The following PCDHA3 variants were observed in gnomAD, a reference collection of about 807,000 sequenced individuals.
PCDHA3 encodes the protein protocadherin alpha 3.
In PCDHA3, 41 loss-of-function variants were observed where a neutral mutation model predicts 62.2. The observed-to-expected ratio is 0.66, with a 90% CI of 0.51 to 0.86. PCDHA3 has a LOEUF of 0.86. Ranked by LOEUF, PCDHA3 falls within the 40% of genes least tolerant of loss-of-function variation. PCDHA3 has a pLI of 0.00. For synonymous variants in PCDHA3, 640 were observed against 555.4 expected, an observed-to-expected ratio of 1.15 and a Z score of -2.14; for missense variants, 1,304 against 1,241.2, an observed-to-expected ratio of 1.05 and a Z score of -0.76.
intron 1 of PCDHA3, chr5:140,830,640 C>T (rs1455236504): frequency 8.1e-6 from 4 of 493,148 alleles, no homozygotes; most frequent in African/African-American, 4.1e-5. Flanking sequence ...AATCTCTTTG[C>T]TTCTTTAATA....
chr5:140,863,279 T>C, intron 1 of PCDHA3: 1 of 1,461,288 alleles, frequency 6.8e-7, no homozygotes, highest in East Asian at 3.4e-5. Context: ...CTGGTGGATG[T>C]CAACGTGTAC....
chr5:140,863,007 A>G (rs1554157449), intron 1 of PCDHA3: 1 of 551,416 alleles, frequency 1.8e-6, no homozygotes, highest in Non-Finnish European at 3.6e-6. Context: ...GACTCCAGCT[A>G]TGACGCCTGG....
intron 3 of PCDHA3, among the ~76,000 whole-genome samples, chr5:140,992,500 A>C (rs1205902091): frequency 6.6e-6 from 1 of 152,222 alleles, no homozygotes; most frequent in Non-Finnish European, 1.5e-5. Context: ...GTAAGGATTC[A>C]ATCCTGGGGC....
intron 1 of PCDHA3, among the ~76,000 whole-genome samples, chr5:140,820,804 T>A (rs1374149059): frequency 6.6e-6 from 1 of 152,102 alleles, no homozygotes; most frequent in Non-Finnish European, 1.5e-5. Flanking sequence ...GTATGTATTT[T>A]ACAATTTTTA....
At chr5:140,845,376 G>A (rs1779847129) in intron 1 of PCDHA3, among the ~76,000 whole-genome samples, 1 of 149,336 alleles carries the variant, frequency 6.7e-6, no homozygotes, top group Non-Finnish European at 1.5e-5. Context: ...ATCATAAATA[G>A]GAGGATTCTT....
At chr5:140,849,983 G>A (rs1554143561) in intron 1 of PCDHA3, 6 of 1,597,534 alleles carry the variant, frequency 3.8e-6, no homozygotes, top group Admixed American at 1.7e-5. Context: ...CGCTGGTGGA[G>A]CGGCGGTTGG....
At chr5:140,924,894 C>CAA (rs782133089) in intron 1 of PCDHA3, among the ~76,000 whole-genome samples, 44 of 71,514 alleles carry the variant, frequency 6.2e-4, no homozygotes, top group African/African-American at 1.3e-3. Flanking sequence ...GAACCTGTCT[C>CAA]AAAAAAAAAA....
intron 1 of PCDHA3, among the ~76,000 whole-genome samples, chr5:140,953,706 G>A (rs1464812227): frequency 1.3e-5 from 2 of 152,144 alleles, no homozygotes; most frequent in Non-Finnish European, 1.5e-5. Context: ...ACTAGACTGA[G>A]CTTCAGACAT....
In PCDHA3 at chr5:140,829,345, G is replaced by A. The variant is rs2150166310; in HGVS notation, c.2394+25754G>A. The A allele has an allele frequency of 4.3e-6, 7 of 1,614,136 alleles. No homozygotes were observed. In the African/African-American group the frequency reaches 8.0e-5, roughly 18 times the overall value. ...ACAGTGCCCTGGACCGCGAGAGCGT[G>A]TCGGCCTATGAGTTGGTGGTAACCG... is the stretch of plus-strand genomic sequence containing the variant. On this transcript the variant is annotated intron_variant, in intron 1 of 3. Transcript: ENST00000522353.
At position 140,803,214 on chromosome 5, in the gene PCDHA3, G is replaced by T; in HGVS notation, c.2017G>T (p.Gly673Cys). ...TGTGCTGGTGTCGCTGGTGGAGAGT[G>T]GCCAGGCACCCAAGGCCTCGTCCCA... is the stretch of plus-strand genomic sequence containing the variant. ...ATVLVSLVES[G>C]QAPKASSQAS... The change falls in exon 1 of 4, where the codon GGC becomes TGC. Residue 673 changes from glycine (G) to cysteine (C), a missense_variant. Physicochemically the swap from Gly to Cys is radical, Grantham distance 159 (BLOSUM62 -3). Coordinates refer to ENST00000522353, the MANE Select transcript of PCDHA3 (RefSeq NM_018906.3). 6.2e-7 allele frequency: 1 copy of T among 1,613,866 alleles called. No individual in the cohort carries two copies.
intron 1 of PCDHA3, chr5:140,804,936 G>C (rs1239249157): frequency 1.7e-6 from 2 of 1,156,470 alleles, no homozygotes; most frequent in Non-Finnish European, 2.3e-6. Context: ...ACTATCCTTT[G>C]TTGCTCCCTT....
intron 1 of PCDHA3, among the ~76,000 whole-genome samples, chr5:140,826,854 T>C (rs2150145601): frequency 0.058 from 8,891 of 152,210 alleles, 860 homozygotes; most frequent in African/African-American, 0.2. Context: ...TCTTGCAATT[T>C]CTAGGTTTAG....
chr5:140,900,167 T>C (rs756471243), intron 1 of PCDHA3, among the ~76,000 whole-genome samples: 1 of 152,238 alleles, frequency 6.6e-6, no homozygotes, highest in Non-Finnish European at 1.5e-5. Context: ...TGTCTTTCTG[T>C]GCCTGGTTTA....
At chr5:140,814,516 A>G (rs1765532799) in intron 1 of PCDHA3, 2 of 152,058 alleles carry the variant, frequency 1.3e-5, no homozygotes, top group African/African-American at 4.8e-5. Context: ...ACCACTAAAA[A>G]GTATAGTAAA....
intron 1 of PCDHA3, among the ~76,000 whole-genome samples, chr5:140,951,625 A>T (rs2094607568): frequency 6.6e-6 from 1 of 152,114 alleles, no homozygotes; most frequent in African/African-American, 2.4e-5. Flanking sequence ...CAAGGGGGAA[A>T]CCTGCCCCAT....
At chr5:140,905,144 A>G (rs2071622994) in intron 1 of PCDHA3, among the ~76,000 whole-genome samples, 2 of 152,130 alleles carry the variant, frequency 1.3e-5, no homozygotes, top group African/African-American at 2.4e-5. Context: ...TTCTGCTGTT[A>G]TATTTTAGAA....
chr5:140,830,324 G>C (rs1770992912), intron 1 of PCDHA3: 1 of 1,614,086 alleles, frequency 6.2e-7, no homozygotes, highest in Non-Finnish European at 8.5e-7. Context: ...CTCCAGCGCA[G>C]TGGGGAGCTG....
At chr5:140,953,124 A>G (rs1554220816) in intron 1 of PCDHA3, among the ~76,000 whole-genome samples, 1 of 152,150 alleles carries the variant, frequency 6.6e-6, no homozygotes, top group African/African-American at 2.4e-5. Flanking sequence ...ACAGATCTAA[A>G]CCGTATCACT....
At chr5:140,954,453 A>G (rs1489783264) in intron 1 of PCDHA3, among the ~76,000 whole-genome samples, 1 of 152,142 alleles carries the variant, frequency 6.6e-6, no homozygotes, top group East Asian at 1.9e-4. Flanking sequence ...ACTTGTTAAT[A>G]ATTGCCATTC....
Sources: gnomAD v4.1 joint callset for allele counts (sites outside exome capture counted in the v4.1 genomes callset) on GRCh38, gnomAD v4.1.1 for gene constraint, MANE v1.5 for transcripts, NCBI Gene and HGNC (gene_info 2026-07-23, HGNC 2026-07-21) for gene names.